Variants in WBP2 observed in about 807,000 individuals in gnomAD.
The protein encoded by WBP2 is WW domain binding protein 2.
In WBP2, 23 loss-of-function variants were observed where a neutral mutation model predicts 33.0. The ratio of observed to expected loss-of-function variants is 0.70; its 90% confidence interval spans 0.50 to 0.99. The LOEUF (loss-of-function observed/expected upper bound fraction) is 0.99, where lower values mean the gene tolerates loss of function less well. Ranked by LOEUF, WBP2 falls within the 50% of genes least tolerant of loss-of-function variation. The pLI, the probability that WBP2 is intolerant of heterozygous loss-of-function variation, is 0.00. For missense variants in WBP2, 353 were observed against 358.0 expected, an observed-to-expected ratio of 0.99 and a Z score of 0.11; for synonymous variants, 153 against 133.5, an observed-to-expected ratio of 1.15 and a Z score of -1.01.
chr17:75,855,513 C>G, upstream of WBP2: 1 of 586,542 alleles, frequency 1.7e-6, no homozygotes, highest in Non-Finnish European at 3.1e-6. Flanking sequence ...CAATTCCCAG[C>G]AGGCAACGCC....
upstream of WBP2, among the ~76,000 whole-genome samples, chr17:75,856,077 A>G (rs2065057200): frequency 2.0e-5 from 3 of 151,920 alleles, no homozygotes; most frequent in African/African-American, 7.3e-5. Flanking sequence ...CTCCCCCCTT[A>G]GCGCCCAGCG....
rs2065028788 is a variant in WBP2 at position 75,851,700 on chromosome 17, C to G, written c.60-24G>C. The G allele has an allele frequency of 2.5e-6, 4 of 1,583,946 alleles. 1 individual carries two copies. In the East Asian group the frequency reaches 6.7e-5, roughly 27 times the overall value. On this transcript the variant is annotated intron_variant, in intron 1 of 7. Transcript: ENST00000254806. ...TGCTGTGATGAGAAAAGAGGAAAAG[C>G]CTCAATGAGACAGTATGGAGACGCG...
chr17:75,847,402 T>C (rs947645686), intron 6 of WBP2, 85 bp downstream of exon 6: 114 of 1,542,874 alleles, frequency 7.4e-5, no homozygotes, highest in Admixed American at 9.8e-5. Context: ...CTCTCAGCAG[T>C]CTCTGGCCAT....
At chr17:75,847,070 G>T in intron 6 of WBP2, 86 bp from the exon 7 acceptor site, 2 of 1,487,038 alleles carry the variant, frequency 1.3e-6, no homozygotes, top group South Asian at 2.3e-5. Context: ...CATGGCTCGG[G>T]GCAGCTGGTG....
chr17:75,846,846 C>G lies in WBP2; in HGVS notation c.733-59G>C. 6.2e-7 allele frequency: 1 copy of G among 1,611,608 alleles called. No homozygotes were observed. The highest frequency in any genetic ancestry group is 8.5e-7 in the Non-Finnish European group (1 of 1,178,746). ...AAGGTTTAAAACATGGTGCGGTCAT[C>G]CCCCTGCGGCTCCCAGCATCTGCGG... On this transcript the variant is annotated intron_variant, in intron 7 of 7. Coordinates refer to ENST00000254806, the MANE Select transcript of WBP2 (RefSeq NM_012478.4). This position sits in a 1 kb window ranked among gnomAD's most constrained non-coding sequence, Gnocchi z 4.8.
At chr17:75,848,772 G>A (rs2065011191) in intron 3 of WBP2, 110 bp from the exon 4 acceptor site, 1 of 966,950 alleles carries the variant, frequency 1.0e-6, no homozygotes, top group Non-Finnish European at 1.6e-6. Flanking sequence ...AGGCCTGCGG[G>A]GGCTGGGCCT....
At chr17:75,848,742 G>T in intron 3 of WBP2, 80 bp from the exon 4 acceptor site, 1 of 1,317,920 alleles carries the variant, frequency 7.6e-7, no homozygotes, top group Non-Finnish European at 1.1e-6. Context: ...TCCTCTCCAG[G>T]ACTTCATCCA....
chr17:75,848,430 A>G (rs1049515434), intron 4 of WBP2, 140 bp downstream of exon 4: 5 of 752,484 alleles, frequency 6.6e-6, no homozygotes, highest in African/African-American at 3.5e-5. Flanking sequence ...TTCCTTCCCA[A>G]CTCCTAGGCC....
In WBP2 at chr17:75,847,615, C is replaced by T. The variant is rs140112945; in HGVS notation, c.533-6G>A. On this transcript the variant is annotated splice_polypyrimidine_tract_variant and splice_region_variant and intron_variant, in intron 5 of 7. Coordinates refer to ENST00000254806, the MANE Select transcript of WBP2 (RefSeq NM_012478.4). ...GGGGGGTCCTGGATAGAACTCTGCT[C>T]GGTGAGAGAGTAACAAGGACATGGT... The T allele has an allele frequency of 2.4e-3, 3,825 of 1,612,886 alleles. 80 individuals carry two copies. In the African/African-American group the frequency reaches 0.043, roughly 18 times the overall value.
upstream of WBP2, chr17:75,855,344 G>C (rs771302075): frequency 1.3e-6 from 2 of 1,598,296 alleles, no homozygotes; most frequent in Non-Finnish European, 1.7e-6. Context: ...ATGAGCTTGC[G>C]CCCCTCTTCG....
In WBP2 at chr17:75,845,915, T is replaced by TG. The variant is rs1225025627; in HGVS notation, c.*818dup. ...CAAAGCTTAAGGGGAAGAAGCAGGC[T>TG]GGGGGGCTGGTGGCAGGTCCCGGCC... On this transcript the variant is annotated 3_prime_UTR_variant, in exon 8 of 8. Coordinates refer to ENST00000254806, the MANE Select transcript of WBP2 (RefSeq NM_012478.4). 2 of 152,668 alleles carry TG rather than the reference T, an allele frequency of 1.3e-5. No individual in the cohort carries two copies. The highest frequency in any genetic ancestry group is 2.9e-5 in the Non-Finnish European group (2 of 68,296). 9.5% of individuals were successfully genotyped at this position (152,668 alleles called of 1,614,324 possible). A position where few individuals can be genotyped will look rare whatever the true frequency, so the allele number is the denominator to read the frequency against.
At chr17:75,848,013 C>A (rs1174989049) in intron 4 of WBP2, 83 bp from the exon 5 acceptor site, 3 of 1,516,474 alleles carry the variant, frequency 2.0e-6, no homozygotes, top group Non-Finnish European at 1.8e-6. Context: ...CAGATGGGAG[C>A]TACTGGGTCT....
chr17:75,855,136 G>A (rs1046824169), intron 1 of WBP2, 103 bp downstream of exon 1: 18 of 756,910 alleles, frequency 2.4e-5, no homozygotes, highest in African/African-American at 8.1e-5. Flanking sequence ...CACTCCATCA[G>A]TGCTCCCTCT....
intron 1 of WBP2, chr17:75,851,885 C>T (rs1326334309): frequency 2.7e-6 from 1 of 375,430 alleles, no homozygotes; most frequent in African/African-American, 2.1e-5. Context: ...GCGGATGACC[C>T]CTGGTCAGGA....
intron 3 of WBP2, chr17:75,849,053 C>T (rs2065012667): frequency 3.3e-6 from 1 of 301,242 alleles, no homozygotes; most frequent in African/African-American, 2.2e-5. Context: ...AAATTCAGAG[C>T]AGACCTCTCG....
rs546911853 is a variant in WBP2, at chr17:75,848,204, T to C, written c.398-274A>G. On this transcript the variant is annotated intron_variant, in intron 4 of 7. Coordinates refer to ENST00000254806, the MANE Select transcript of WBP2 (RefSeq NM_012478.4). ...CCGGGAGGGAGGCTCAGGGCTGGGG[T>C]AGGAGTGAGCTGGCGGAGGATGTCT... The C allele has an allele frequency of 5.7e-5, 34 of 592,666 alleles. No homozygotes were observed. In the South Asian group the frequency reaches 6.0e-4, roughly 10 times the overall value. The allele number at this position is 592,666 out of a possible 1,614,324, so 36.7% of individuals were successfully genotyped here.
chr17:75,846,069 C>T lies in WBP2; in HGVS notation c.*665G>A, dbSNP rs2064988099. The T allele has an allele frequency of 6.6e-6, 1 of 152,656 alleles. No homozygotes were observed. Among genetic ancestry groups the T allele is most frequent in the African/African-American group, 2.4e-5 (1 of 41,436 alleles). 9.5% of individuals were successfully genotyped at this position (152,656 alleles called of 1,614,324 possible). ...AGTGAGAGGTGAGGGAAAGCAAATT[C>T]CAGAAACACCAGCAAAAGGCAGAAG... On this transcript the variant is annotated 3_prime_UTR_variant, in exon 8 of 8. Transcript: ENST00000254806. This position sits in a 1 kb window ranked among gnomAD's most constrained non-coding sequence, Gnocchi z 4.8.
chr17:75,854,043 TAAAAAAAAAAAAA>T (rs55857053), intron 1 of WBP2, among the ~76,000 whole-genome samples: 2 of 55,454 alleles, frequency 3.6e-5, no homozygotes, highest in African/African-American at 6.4e-5. Flanking sequence ...AGCCTCCATC[TAAAAAAAAAAAAA>T]AAAAAAAAAA....
At chr17:75,851,289 T>A (rs1800837427) in intron 2 of WBP2, 1 of 321,374 alleles carries the variant, frequency 3.1e-6, no homozygotes, top group Non-Finnish European at 6.1e-6. Context: ...CAGGCCCAAG[T>A]CATGCCAGCG....
Sources: gnomAD v4.1 joint callset for allele counts (sites outside exome capture counted in the v4.1 genomes callset) on GRCh38, gnomAD v4.1.1 for gene constraint, Gnocchi (gnomAD v3.1) non-coding constraint, MANE v1.5 for transcripts, NCBI Gene and HGNC (gene_info 2026-07-23, HGNC 2026-07-21) for gene names.